PSAT1: variants seen among roughly 807,000 people sequenced by gnomAD.
PSAT1 encodes the protein phosphoserine aminotransferase.
Under a neutral mutation model 40.3 loss-of-function variants are expected in PSAT1, and 41 were observed. The ratio of observed to expected loss-of-function variants is 1.02; its 90% CI spans 0.79 to 1.32. PSAT1 has a LOEUF of 1.32. PSAT1 is among the 40% of genes most tolerant of loss of function. The pLI is 0.00. For synonymous variants in PSAT1, 147 were observed against 170.5 expected (o/e 0.86, Z 1.07); for missense variants, 406 against 455.8 (o/e 0.89, Z 0.99).
chr9:78,317,658 T>A lies in PSAT1; in HGVS notation c.741-18T>A, dbSNP rs3780194. On this transcript the variant is annotated intron_variant, in intron 6 of 8. Transcript: ENST00000376588. ...GCAAAGATGAGCTAAACGGATTTTT[T>A]AAAAATCTTCATTTTAGCATCTACG... 0.72 allele frequency: 1,167,771 copies of A among 1,612,466 alleles called. 424,160 individuals are homozygous for A. Among genetic ancestry groups the A allele is most frequent in the Admixed American group, 0.79 (47,106 of 59,932 alleles).
chr9:78,316,780 G>C (rs552466796), intron 6 of PSAT1, among the ~76,000 whole-genome samples: 69 of 152,304 alleles, frequency 4.5e-4, no homozygotes, highest in African/African-American at 1.5e-3. Flanking sequence ...AGGACTGGGA[G>C]GGGGAGCCCG....
At chr9:78,310,684 C>T (rs935552208) in intron 6 of PSAT1, among the ~76,000 whole-genome samples, 2 of 151,436 alleles carry the variant, frequency 1.3e-5, no homozygotes, top group African/African-American at 2.4e-5. Flanking sequence ...GATCTCAGCT[C>T]GCTGCAACCT....
chr9:78,325,014 T>A (rs1321877324), intron 7 of PSAT1, among the ~76,000 whole-genome samples: 3 of 152,048 alleles, frequency 2.0e-5, no homozygotes, highest in Non-Finnish European at 4.4e-5. Context: ...TTGCGTTCAG[T>A]GCAAACCCAT....
chr9:78,317,502 C>T (rs913964189), intron 6 of PSAT1, among the ~76,000 whole-genome samples, 174 bp from the exon 7 acceptor site: 2 of 152,322 alleles, frequency 1.3e-5, no homozygotes, highest in East Asian at 1.9e-4. Context: ...CCTTCGGCCT[C>T]GGCCTTCCAA....
Position 78,297,283 on chromosome 9 carries a change from G to A in PSAT1, c.60+13G>A, listed in dbSNP as rs1232479270. 10 of 1,594,534 alleles carry A rather than the reference G, an allele frequency of 6.3e-6. No individual in the cohort carries two copies. Among genetic ancestry groups the A allele is most frequent in the Non-Finnish European group, 7.7e-6 (9 of 1,175,964 alleles). On this transcript the variant is annotated intron_variant, in intron 1 of 8. Transcript: ENST00000376588. ...GCTGCCGCACTCAGTAAGTCCCCGC[G>A]AGCGGGCGCCGGGAGTGAGGTTCAG...
chr9:78,328,588 C>T (rs1204216621), intron 8 of PSAT1, among the ~76,000 whole-genome samples: 3 of 151,974 alleles, frequency 2.0e-5, no homozygotes, highest in Non-Finnish European at 4.4e-5. Flanking sequence ...AATGTCCTCA[C>T]ATGAGAATAG....
intron 4 of PSAT1, among the ~76,000 whole-genome samples, chr9:78,305,184 A>G (rs1208234764): frequency 6.6e-6 from 1 of 152,024 alleles, no homozygotes; most frequent in African/African-American, 2.4e-5. Flanking sequence ...GTGCAATCTC[A>G]GCTCACTGCA....
chr9:78,316,209 G>A (rs548599871), intron 6 of PSAT1, among the ~76,000 whole-genome samples: 1 of 152,308 alleles, frequency 6.6e-6, no homozygotes, highest in South Asian at 2.1e-4. Context: ...CACCTGCCAC[G>A]TGCCAGGCCC....
In PSAT1 at chr9:78,300,777, G is replaced by A. The variant is rs148897945; in HGVS notation, c.121+115G>A. The A allele has an allele frequency of 3.1e-3, 4,403 of 1,413,564 alleles. 116 individuals are homozygous for A. The African/African-American group carries it at 0.054, about 17-fold the overall frequency. The allele number at this position is 1,413,564 out of a possible 1,614,324, so 87.6% of individuals were successfully genotyped here. Reference sequence around the variant, plus strand: ...GTCACCCAGGCTGGAGTACAGTGGCGTGATCATAGTTCACTGCAGCCTCCA... The same window carrying A: ...GTCACCCAGGCTGGAGTACAGTGGCATGATCATAGTTCACTGCAGCCTCCA... On this transcript the variant is annotated intron_variant, in intron 2 of 8. Transcript: ENST00000376588.
intron 8 of PSAT1, 151 bp from the exon 9 acceptor site, chr9:78,328,830 C>A: frequency 1.4e-6 from 1 of 696,166 alleles, no homozygotes; most frequent in Non-Finnish European, 2.6e-6. Context: ...ACGTGTGAAG[C>A]TCTGTGCCAG....
chr9:78,317,229 C>A (rs1301807475), intron 6 of PSAT1, among the ~76,000 whole-genome samples: 2 of 151,580 alleles, frequency 1.3e-5, no homozygotes, highest in African/African-American at 4.9e-5. Context: ...TTCACATGGG[C>A]CCTGCTTTTG....
intron 7 of PSAT1, 52 bp from the exon 8 acceptor site, chr9:78,327,999 G>A: frequency 6.3e-7 from 1 of 1,580,404 alleles, no homozygotes; most frequent in Non-Finnish European, 8.7e-7. Flanking sequence ...ATTTGTTTAT[G>A]ACAACCCATA....
In PSAT1 at chr9:78,317,749, T is replaced by A. The variant is rs769540951; in HGVS notation, c.814T>A (p.Ser272Thr). 1 of 1,613,656 alleles carries A rather than the reference T, an allele frequency of 6.2e-7. No homozygotes were observed. The highest frequency in any genetic ancestry group is 8.5e-7 in the Non-Finnish European group (1 of 1,179,736). The change falls in exon 7 of 9, where the codon TCC (serine) becomes ACC (threonine). Residue 272 changes from serine (S) to threonine (T), a missense_variant. Transcript: ENST00000376588. ...TGCCGCGGCCATGGAGAAGCTTAGC[T>A]CCATCAAATCTCAAACAATTTATGA... ...GGAAAMEKLSSIKSQTIYEII... is the reference protein window; with the variant it reads ...GGAAAMEKLSTIKSQTIYEII...
chr9:78,302,146 G>A, intron 3 of PSAT1, 123 bp downstream of exon 3: 1 of 787,160 alleles, frequency 1.3e-6, no homozygotes, highest in Admixed American at 2.1e-5. Flanking sequence ...AATAATCCTT[G>A]TAAGATTCTC....
At chr9:78,323,342 G>A (rs953727414) in intron 7 of PSAT1, among the ~76,000 whole-genome samples, 5 of 152,146 alleles carry the variant, frequency 3.3e-5, no homozygotes, top group Non-Finnish European at 7.3e-5. Context: ...AGGCCAAGGT[G>A]GGAGAATTGT....
chr9:78,325,002 G>C (rs1045088896), intron 7 of PSAT1, among the ~76,000 whole-genome samples: 2 of 151,938 alleles, frequency 1.3e-5, no homozygotes, highest in African/African-American at 2.4e-5. Context: ...TTAATTTACA[G>C]TTTGCGTTCA....
intron 1 of PSAT1, chr9:78,298,239 T>C: frequency 1.0e-6 from 1 of 976,766 alleles, no homozygotes; most frequent in Non-Finnish European, 1.2e-6. Flanking sequence ...CTTGAGCCCA[T>C]TGTCAGGCGG....
intron 5 of PSAT1, among the ~76,000 whole-genome samples, chr9:78,307,926 C>A (rs913374108): frequency 6.6e-6 from 1 of 152,126 alleles, no homozygotes; most frequent in Non-Finnish European, 1.5e-5. Context: ...GTAATCCCAG[C>A]TACTCGGCAG....
intron 6 of PSAT1, among the ~76,000 whole-genome samples, chr9:78,312,057 T>C (rs1003909640): frequency 1.5e-5 from 2 of 130,422 alleles, no homozygotes; most frequent in Non-Finnish European, 3.2e-5. Context: ...CGCCTTTTTT[T>C]TTTTTTCCCC....
Sources: gnomAD v4.1 joint callset for allele counts (sites outside exome capture counted in the v4.1 genomes callset) on GRCh38, gnomAD v4.1.1 for gene constraint, MANE v1.5 for transcripts, NCBI Gene and HGNC (gene_info 2026-07-23, HGNC 2026-07-21) for gene names.